Variants in SGCZ observed in about 807,000 individuals in gnomAD.
The protein encoded by SGCZ is zeta-sarcoglycan.
Under a neutral mutation model 41.3 loss-of-function variants are expected in SGCZ, and 40 were observed. The ratio of observed to expected loss-of-function variants is 0.97; its 90% CI spans 0.75 to 1.26. SGCZ has a LOEUF of 1.26. SGCZ is among the 50% of genes most tolerant of loss of function. The pLI is 0.00. For missense variants in SGCZ, 552 were observed against 369.8 expected, an observed-to-expected ratio of 1.49 and a Z score of -4.04; for synonymous variants, 206 against 137.5, an observed-to-expected ratio of 1.50 and a Z score of -3.49.
At chr8:14,712,330 G>T (rs1321522502) in intron 1 of SGCZ, among the ~76,000 whole-genome samples, 1 of 152,172 alleles carries the variant, frequency 6.6e-6, no homozygotes, top group African/African-American at 2.4e-5. Context: ...AAACTTCGCA[G>T]AATTGTAATT....
intron 1 of SGCZ, among the ~76,000 whole-genome samples, chr8:15,058,319 G>A (rs376845464): frequency 6.2e-4 from 95 of 152,214 alleles, no homozygotes; most frequent in African/African-American, 2.1e-3. Flanking sequence ...TTTGGAACAT[G>A]CCACTCATGG....
rs568658259 is a variant in SGCZ, at chr8:14,578,238, G to A, written c.40-23312C>T. On this transcript the variant is annotated intron_variant, in intron 1 of 7. Coordinates refer to ENST00000382080, the MANE Select transcript of SGCZ (RefSeq NM_139167.4). ...TATAGCCATCAGTTGACTCAACCAG[G>A]TGTGACATTTCACCAGCCACCACCA... Among the ~76,000 whole-genome samples, 3 of 152,300 alleles carry A rather than the reference G, an allele frequency of 2.0e-5. No homozygotes were observed. The East Asian group carries it at 5.8e-4, about 29-fold the overall frequency.
At chr8:14,790,906 CT>C (rs1186136578) in intron 1 of SGCZ, among the ~76,000 whole-genome samples, 1 of 151,806 alleles carries the variant, frequency 6.6e-6, no homozygotes, top group African/African-American at 2.4e-5. Context: ...TGGTGCGCAT[CT>C]GTAATCCTAC....
intron 1 of SGCZ, among the ~76,000 whole-genome samples, chr8:14,685,325 T>A (rs1284233373): frequency 1.3e-5 from 2 of 152,070 alleles, no homozygotes; most frequent in East Asian, 3.9e-4. Flanking sequence ...ATTAAAAAAT[T>A]CTCTCATTAC....
At chr8:14,825,295 G>A (rs903851745) in intron 1 of SGCZ, among the ~76,000 whole-genome samples, 1 of 152,062 alleles carries the variant, frequency 6.6e-6, no homozygotes, top group East Asian at 1.9e-4. Flanking sequence ...TATGTGTATC[G>A]TCACTTATCT....
intron 1 of SGCZ, among the ~76,000 whole-genome samples, chr8:15,199,508 C>A (rs1051103769): frequency 2.0e-5 from 3 of 152,112 alleles, no homozygotes; most frequent in African/African-American, 7.2e-5. Context: ...CTCTGTAATA[C>A]TCTAGAGTTA....
chr8:14,388,548 G>A (rs946352881), intron 2 of SGCZ, among the ~76,000 whole-genome samples: 5 of 151,940 alleles, frequency 3.3e-5, no homozygotes, highest in Admixed American at 1.3e-4. Flanking sequence ...TCTCAGCAAC[G>A]AATGAGTAAA....
intron 1 of SGCZ, among the ~76,000 whole-genome samples, chr8:14,620,095 T>C (rs1806233484): frequency 6.6e-6 from 1 of 152,168 alleles, no homozygotes; most frequent in South Asian, 2.1e-4. Context: ...AACAGAGATA[T>C]AGACCAATGG....
At chr8:15,005,468 A>G (rs1448592679) in intron 1 of SGCZ, among the ~76,000 whole-genome samples, 1 of 151,032 alleles carries the variant, frequency 6.6e-6, no homozygotes. Context: ...AGTAGCTGCC[A>G]TTACAGGCAT....
intron 1 of SGCZ, among the ~76,000 whole-genome samples, chr8:14,918,306 T>C (rs1799497163): frequency 6.6e-6 from 1 of 152,120 alleles, no homozygotes; most frequent in Non-Finnish European, 1.5e-5. Flanking sequence ...CAGAACTAGG[T>C]CCATGATTTC....
At chr8:15,070,319 G>A (rs1335147481) in intron 1 of SGCZ, among the ~76,000 whole-genome samples, 2 of 152,030 alleles carry the variant, frequency 1.3e-5, no homozygotes, top group African/African-American at 4.8e-5. Flanking sequence ...TTCTCTAAAG[G>A]CTTTCCTACA....
intron 4 of SGCZ, among the ~76,000 whole-genome samples, chr8:14,222,520 T>G (rs915948923): frequency 1.3e-5 from 2 of 152,032 alleles, no homozygotes; most frequent in East Asian, 3.9e-4. Flanking sequence ...TTAACTTTCA[T>G]GCATATAAAT....
intron 1 of SGCZ, among the ~76,000 whole-genome samples, chr8:14,775,909 C>T (rs555272478): frequency 6.6e-6 from 1 of 152,020 alleles, no homozygotes; most frequent in African/African-American, 2.4e-5. Flanking sequence ...AAAACAGATG[C>T]CTGTGACTGG....
intron 1 of SGCZ, among the ~76,000 whole-genome samples, chr8:14,700,659 A>C (rs1220399300): frequency 6.6e-6 from 1 of 152,032 alleles, no homozygotes; most frequent in Non-Finnish European, 1.5e-5. Context: ...ATATTCATAT[A>C]TTTAATAAAA....
At chr8:14,541,932 T>G (rs1456206169) in intron 2 of SGCZ, among the ~76,000 whole-genome samples, 1 of 152,200 alleles carries the variant, frequency 6.6e-6, no homozygotes. Context: ...ATGTCTTCTT[T>G]TCAAAAGTGT....
At chr8:15,235,417 A>G (rs1249443951) in intron 1 of SGCZ, among the ~76,000 whole-genome samples, 1 of 152,138 alleles carries the variant, frequency 6.6e-6, no homozygotes, top group Admixed American at 6.5e-5. Flanking sequence ...CCTTGACATA[A>G]TTTCTCAACA....
intron 2 of SGCZ, among the ~76,000 whole-genome samples, chr8:14,344,834 T>A (rs188445023): frequency 6.7e-6 from 1 of 150,128 alleles, no homozygotes; most frequent in African/African-American, 2.5e-5. Flanking sequence ...TTACTAAAAC[T>A]ACAATTTTTT....
chr8:14,342,890 G>C (rs1385738260), intron 2 of SGCZ, among the ~76,000 whole-genome samples: 2 of 152,186 alleles, frequency 1.3e-5, no homozygotes, highest in Non-Finnish European at 2.9e-5. Flanking sequence ...TCTCTTCACA[G>C]GCCTGGAGGC....
intron 1 of SGCZ, among the ~76,000 whole-genome samples, chr8:14,980,693 C>G (rs1036330579): frequency 6.6e-6 from 1 of 152,118 alleles, no homozygotes; most frequent in Non-Finnish European, 1.5e-5. Context: ...GACTTATTCA[C>G]CACCATGAGA....
Sources: gnomAD v4.1 joint callset for allele counts (sites outside exome capture counted in the v4.1 genomes callset) on GRCh38, gnomAD v4.1.1 for gene constraint, MANE v1.5 for transcripts, NCBI Gene and HGNC (gene_info 2026-07-23, HGNC 2026-07-21) for gene names.